Variants in PCDHGA4 observed in about 807,000 individuals in gnomAD.
The protein encoded by PCDHGA4 is protocadherin gamma-A4.
In PCDHGA4, 38 loss-of-function variants were observed where a neutral mutation model predicts 54.6. The observed-to-expected ratio is 0.70, with a 90% CI of 0.54 to 0.91. The LOEUF (loss-of-function observed/expected upper bound fraction) is 0.91. PCDHGA4 is among the 40% of genes least tolerant of loss of function. PCDHGA4 has a pLI of 0.00. For missense variants in PCDHGA4, 1,298 were observed against 1,220.9 expected, an observed-to-expected ratio of 1.06 and a Z score of -0.94; for synonymous variants, 511 against 512.9, an observed-to-expected ratio of 1.00 and a Z score of 0.05.
Position 141,384,308 on chromosome 5 carries a change from C to G in PCDHGA4, c.2514+26687C>G, listed in dbSNP as rs974367218. On this transcript the variant is annotated intron_variant, in intron 1 of 3. Transcript: ENST00000571252. ...GCTGAGAACAACCCCAGAGGGGCCT[C>G]CATTTTCTTAGTGACTGCACAGGAC... The G allele has an allele frequency of 1.5e-5, 25 of 1,613,736 alleles. No homozygotes were observed. The highest frequency in any genetic ancestry group is 2.1e-5 in the Non-Finnish European group (25 of 1,179,896).
intron 1 of PCDHGA4, chr5:141,364,149 C>A: frequency 1.8e-6 from 1 of 542,530 alleles, no homozygotes; most frequent in Non-Finnish European, 3.0e-6. Context: ...GGGAAAGAAG[C>A]TGCCGCAGAG....
At chr5:141,411,189 T>C (rs1222862554) in intron 1 of PCDHGA4, 1 of 152,208 alleles carries the variant, frequency 6.6e-6, no homozygotes, top group Non-Finnish European at 1.5e-5. Context: ...TCTTGGCATC[T>C]AAGAAAACAA....
chr5:141,404,407 T>C, intron 1 of PCDHGA4: 1 of 1,613,944 alleles, frequency 6.2e-7, no homozygotes, highest in East Asian at 2.2e-5. Flanking sequence ...ATGAGAATTC[T>C]AGAGTTATTT....
At chr5:141,394,034 G>T in intron 1 of PCDHGA4, 1 of 1,613,540 alleles carries the variant, frequency 6.2e-7, no homozygotes, top group Non-Finnish European at 8.5e-7. Flanking sequence ...TAGTGACAAG[G>T]AAATATTTGG....
chr5:141,456,026 T>A (rs2098840894), intron 1 of PCDHGA4, among the ~76,000 whole-genome samples: 1 of 151,690 alleles, frequency 6.6e-6, no homozygotes, highest in African/African-American at 2.4e-5. Context: ...GCCTCCCGAG[T>A]AGCTGGGACT....
intron 1 of PCDHGA4, chr5:141,478,768 A>G: frequency 6.7e-7 from 1 of 1,501,046 alleles, no homozygotes; most frequent in African/African-American, 1.4e-5. Context: ...TACTTGACTC[A>G]TCTGTGGACC....
chr5:141,375,938 G>A (rs1772064836), intron 1 of PCDHGA4: 1 of 1,613,558 alleles, frequency 6.2e-7, no homozygotes, highest in African/African-American at 1.3e-5. Flanking sequence ...ACTTTTCTCA[G>A]TGGGCCTGCA....
rs1356357111 is a variant in PCDHGA4 at position 141,370,808 on chromosome 5, T to C, written c.2514+13187T>C. 2.5e-6 allele frequency: 4 copies of C among 1,613,950 alleles called. No individual in the cohort carries two copies. The African/African-American group carries it at 5.3e-5, about 22-fold the overall frequency. On this transcript the variant is annotated intron_variant, in intron 1 of 3. Coordinates refer to ENST00000571252, the MANE Select transcript of PCDHGA4 (RefSeq NM_018917.4). ...CACCGACCTTTAGCCAAAATATCAC[T>C]GAGCTGGAAATCAGCGAACTGGCTC...
At chr5:141,414,099 A>G in intron 1 of PCDHGA4, 1 of 1,593,504 alleles carries the variant, frequency 6.3e-7, no homozygotes, top group Non-Finnish European at 8.5e-7. Flanking sequence ...TAAAAATATC[A>G]GAAAATCTAG....
At chr5:141,422,498 C>T (rs1482415670) in intron 1 of PCDHGA4, 1 of 1,613,964 alleles carries the variant, frequency 6.2e-7, no homozygotes, top group Admixed American at 1.7e-5. Flanking sequence ...ATAACGTTGA[C>T]AGCCACAGAC....
rs186000917 is a variant in PCDHGA4, at chr5:141,371,695, C to T, written c.2514+14074C>T. ...GACAAAGGCAATCCACCGCTCTCCT[C>T]CAGCAAGACCATCACTCTGCACATC... On this transcript the variant is annotated intron_variant, in intron 1 of 3. Transcript: ENST00000571252. The T allele has an allele frequency of 8.7e-6, 14 of 1,614,058 alleles. No individual in the cohort carries two copies. In the Admixed American group the frequency reaches 1.7e-4, roughly 19 times the overall value.
At position 141,414,719 on chromosome 5, in the gene PCDHGA4, C is replaced by T. The variant is rs1361757630; in HGVS notation, c.2514+57098C>T. On this transcript the variant is annotated intron_variant, in intron 1 of 3. Transcript: ENST00000571252. ...TCATACATATCCATCAACTCAGACA[C>T]TGGCGTCCTGTATGCACTCAGATCC... The T allele has an allele frequency of 1.2e-6, 2 of 1,614,050 alleles. No individual in the cohort carries two copies. Among genetic ancestry groups the T allele is most frequent in the African/African-American group, 1.3e-5 (1 of 74,934 alleles).
At chr5:141,409,587 C>G (rs13184186) in intron 1 of PCDHGA4, 1 of 1,613,902 alleles carries the variant, frequency 6.2e-7, no homozygotes, top group Non-Finnish European at 8.5e-7. Context: ...GTCCACGTGG[C>G]CGAGAACAAC....
Position 141,356,203 on chromosome 5 carries a change from G to T in PCDHGA4, c.1096G>T (p.Val366Leu). 6.2e-7 allele frequency: 1 copy of T among 1,607,564 alleles called. No homozygotes were observed. The highest frequency in any genetic ancestry group is 8.5e-7 in the Non-Finnish European group (1 of 1,176,748). ...PGLRARSKVL[V>L]TVLDENDNAP... The stretch of plus-strand genomic sequence containing the variant: ...TCTCCGAGCTAGAAGCAAGGTACTG[G>T]TGACAGTTCTGGATGAAAATGACAA... Residue 366 changes from valine (V) to leucine (L), a missense_variant, in exon 1 of 4, where the codon GTG (valine) becomes TTG (leucine). Val to Leu is a conservative substitution (Grantham distance 32). Coordinates refer to ENST00000571252, the MANE Select transcript of PCDHGA4 (RefSeq NM_018917.4).
Position 141,372,306 on chromosome 5 carries a change from G to T in PCDHGA4, c.2514+14685G>T, listed in dbSNP as rs771102617. 35 of 1,613,152 alleles carry T rather than the reference G, an allele frequency of 2.2e-5. No homozygotes were observed. Among genetic ancestry groups the T allele is most frequent in the African/African-American group, 9.3e-5 (7 of 75,056 alleles). ...GCGTACCTTGGGCGACAGGGAGGCC[G>T]CCCGCCAGCGCCTGCTGGTCACTGT... On this transcript the variant is annotated intron_variant, in intron 1 of 3. Coordinates refer to ENST00000571252, the MANE Select transcript of PCDHGA4 (RefSeq NM_018917.4).
Position 141,362,718 on chromosome 5 carries a change from G to A in PCDHGA4, c.2514+5097G>A, listed in dbSNP as rs1762651072. The A allele has an allele frequency of 4.5e-6, 4 of 880,132 alleles. No homozygotes were observed. In the East Asian group the frequency reaches 8.0e-5, roughly 18 times the overall value. The allele number at this position is 880,132 out of a possible 1,614,324, so 54.5% of individuals were successfully genotyped here. A position where few individuals can be genotyped will look rare whatever the true frequency, so the allele number is the denominator to read the frequency against. Reference sequence around the variant, plus strand: ...ACTGAATTTTAAGTGTTTTCTCTCTGAAGTGTGAGATTTATTTACCCATGA... The same window carrying A: ...ACTGAATTTTAAGTGTTTTCTCTCTAAAGTGTGAGATTTATTTACCCATGA... On this transcript the variant is annotated intron_variant, in intron 1 of 3. Coordinates refer to ENST00000571252, the MANE Select transcript of PCDHGA4 (RefSeq NM_018917.4).
Position 141,477,044 on chromosome 5 carries a change from C to T in PCDHGA4, c.2515-17763C>T, listed in dbSNP as rs750525889. ...CGGGATGCTGACAATCAAGGGTCGG[C>T]TGGACTTCGAGGACACCAAACTCCA... On this transcript the variant is annotated intron_variant, in intron 1 of 3. Coordinates refer to ENST00000571252, the MANE Select transcript of PCDHGA4 (RefSeq NM_018917.4). The surrounding 1 kb of genome is among the most constrained non-coding windows in gnomAD (Gnocchi z 4.9). 6.2e-7 allele frequency: 1 copy of T among 1,614,246 alleles called. No individual in the cohort carries two copies. Among genetic ancestry groups the T allele is most frequent in the Non-Finnish European group, 8.5e-7 (1 of 1,180,034 alleles).
At chr5:141,503,981 C>T (rs774655880) in intron 2 of PCDHGA4, among the ~76,000 whole-genome samples, 4 of 152,300 alleles carry the variant, frequency 2.6e-5, no homozygotes, top group East Asian at 1.9e-4. Flanking sequence ...CCAAACCCTT[C>T]TTCTTACCTT....
At chr5:141,463,834 A>G (rs1212299231) in intron 1 of PCDHGA4, among the ~76,000 whole-genome samples, 4 of 152,108 alleles carry the variant, frequency 2.6e-5, no homozygotes, top group East Asian at 1.9e-4. Flanking sequence ...TCCACTTCCC[A>G]GTTGTTATAG....
Sources: allele counts gnomAD v4.1 joint callset (sites outside exome capture counted in the v4.1 genomes callset), GRCh38; gene constraint gnomAD v4.1.1; non-coding constraint Gnocchi (gnomAD v3.1); transcripts MANE v1.5; gene names NCBI Gene and HGNC (gene_info 2026-07-23, HGNC 2026-07-21).